The following SLC38A10 variants were observed in gnomAD, a reference collection of about 807,000 sequenced individuals.
SLC38A10 encodes Sodium-coupled neutral amino acid transporter 10.
SLC38A10 carries 53 observed loss-of-function variants against 81.0 expected under a neutral mutation model. The ratio of observed to expected loss-of-function variants is 0.65; its 90% CI spans 0.53 to 0.82. The LOEUF is 0.82. Among genes scored for constraint, SLC38A10 ranks in the 40% least tolerant of loss-of-function variants. The pLI is 0.00. For synonymous variants in SLC38A10, 665 were observed against 655.3 expected (o/e 1.01, Z -0.23); for missense variants, 1,471 against 1,545.0 (o/e 0.95, Z 0.80).
In SLC38A10 at chr17:81,270,738, C is replaced by T. The variant is rs1254860671; in HGVS notation, c.1131+180G>A. On this transcript the variant is annotated intron_variant, in intron 10 of 15. Transcript: ENST00000374759. The surrounding 1 kb of genome is among the most constrained non-coding windows in gnomAD (Gnocchi z 4.0). The stretch of plus-strand genomic sequence containing the variant: ...TAGTGTGGCCCTGCTGGGCAAAGAC[C>T]GTGCGTCCTGGTGAACCCAGGGTTC... Among the ~76,000 whole-genome samples, 2 of 152,164 alleles carry T rather than the reference C, an allele frequency of 1.3e-5. No individual in the cohort carries two copies. Among genetic ancestry groups the T allele is most frequent in the Admixed American group, 6.5e-5 (1 of 15,272 alleles).
chr17:81,270,613 G>A lies in SLC38A10; in HGVS notation c.1131+305C>T, dbSNP rs1330879069. On this transcript the variant is annotated intron_variant, in intron 10 of 15. Transcript: ENST00000374759. This position sits in a 1 kb window ranked among gnomAD's most constrained non-coding sequence, Gnocchi z 4.0. ...GGAGGGGACTCAGAGGTGGCAGCAG[G>A]TCCATGGGCAATCAGGCATCGCAGA... Among the ~76,000 whole-genome samples the A allele has an allele frequency of 6.6e-6, 1 of 152,154 alleles. No individual in the cohort carries two copies. The highest frequency in any genetic ancestry group is 1.5e-5 in the Non-Finnish European group (1 of 68,016).
chr17:81,268,911 G>T (rs1399532289), intron 10 of SLC38A10, among the ~76,000 whole-genome samples: 2 of 152,138 alleles, frequency 1.3e-5, no homozygotes, highest in Non-Finnish European at 2.9e-5. Flanking sequence ...GAATATAATG[G>T]ACTAGAGAAA....
At chr17:81,250,724 G>T in intron 14 of SLC38A10, 1 of 644,734 alleles carries the variant, frequency 1.6e-6, no homozygotes, top group Non-Finnish European at 1.9e-6. Flanking sequence ...ACCCTCAGAG[G>T]GCGGGTGGAC....
intron 14 of SLC38A10, chr17:81,250,136 G>A (rs758870110): frequency 1.6e-6 from 2 of 1,279,558 alleles, no homozygotes; most frequent in South Asian, 2.5e-5. Context: ...AGGCAGAATA[G>A]GAAACCGTGA....
chr17:81,248,483 G>C (rs1328901525), intron 14 of SLC38A10, among the ~76,000 whole-genome samples: 1 of 152,262 alleles, frequency 6.6e-6, no homozygotes, highest in Non-Finnish European at 1.5e-5. Context: ...GGAGCACCCG[G>C]TCTGACTCGC....
chr17:81,275,674 G>C (rs913181698), intron 8 of SLC38A10, among the ~76,000 whole-genome samples: 2 of 142,528 alleles, frequency 1.4e-5, no homozygotes, highest in Non-Finnish European at 3.0e-5. Context: ...GGAGCTTGCA[G>C]TGAGTCGAGA....
chr17:81,295,060 A>G lies in SLC38A10; in HGVS notation c.-139T>C. 7.7e-7 allele frequency: 1 copy of G among 1,299,958 alleles called. No individual in the cohort carries two copies. Among genetic ancestry groups the G allele is most frequent in the East Asian group, 3.4e-5 (1 of 29,404 alleles). The allele number at this position is 1,299,958 out of a possible 1,614,324, so 80.5% of individuals were successfully genotyped here. A position where few individuals can be genotyped will look rare whatever the true frequency, so the allele number is the denominator to read the frequency against. ...TGGGGAGGGGATGGGCAGCCTGAAC[A>G]CGGGAGCCTGAGCAGGCGCGGGCGC... On this transcript the variant is annotated 5_prime_UTR_variant, in exon 1 of 16. Coordinates refer to ENST00000374759, the MANE Select transcript of SLC38A10 (RefSeq NM_001037984.3).
intron 14 of SLC38A10, among the ~76,000 whole-genome samples, chr17:81,248,034 TGCAA>T (rs1276801249): frequency 1.5e-5 from 2 of 134,450 alleles, no homozygotes; most frequent in East Asian, 5.3e-4. Context: ...CTCAGCTCAC[TGCAA>T]GCTCCGCCTC....
rs746748268 is a variant in SLC38A10 at position 81,250,984 on chromosome 17, C to T, written c.2065+509G>A. ...ATGAACACAGCCGAGCTCCGAGGCC[C>T]GAGGGTGTGGGAGCAGTGCTCTGGG... On this transcript the variant is annotated intron_variant, in intron 14 of 15. Transcript: ENST00000374759. The T allele has an allele frequency of 3.9e-4, 522 of 1,343,202 alleles. 4 individuals carry two copies. The highest frequency in any genetic ancestry group is 1.9e-4 in the Non-Finnish European group (197 of 1,050,942). The allele number at this position is 1,343,202 out of a possible 1,614,324, so 83.2% of individuals were successfully genotyped here.
rs772917747 is a variant in SLC38A10, at chr17:81,246,944, T to G, written c.2183A>C (p.Glu728Ala). ...QQEKLLAVIE[E>A]QHKEIHQQRQ... Reference sequence around the variant, plus strand: ...CTGCTGGTGGATCTCCTTGTGCTGCTCCTCGATCACCGCCAGCAGCTTCTC... The same window carrying G: ...CTGCTGGTGGATCTCCTTGTGCTGCGCCTCGATCACCGCCAGCAGCTTCTC... The change falls in exon 15 of 16, where the codon GAG (glutamate) becomes GCG (alanine). Residue 728 changes from glutamate to alanine, a missense_variant. Around this residue, in one of 2 missense-constraint regions of SLC38A10, gnomAD observed 751 missense variants for 717.4 expected, o/e 1.05. Transcript: ENST00000374759. The G allele has an allele frequency of 3.1e-6, 5 of 1,607,844 alleles. No homozygotes were observed. The highest frequency in any genetic ancestry group is 4.2e-6 in the Non-Finnish European group (5 of 1,179,608).
chr17:81,251,549 C>A lies in SLC38A10; in HGVS notation c.2009G>T (p.Arg670Leu), dbSNP rs187258677. The change falls in exon 14 of 16, where the codon CGC (arginine) becomes CTC (leucine). Residue 670 changes from arginine (R) to leucine (L), a missense_variant. Physicochemically the swap from Arg to Leu is moderately radical, Grantham distance 102. Transcript: ENST00000374759. ...APGPGLPPEP[R>L]EQRDVERAGG... ...CGCTCGCTCCACGTCCCTCTGCTCG[C>A]GAGGCTCGGGCGGCAGCCCAGGCCC... The A allele has an allele frequency of 1.7e-5, 26 of 1,526,170 alleles. No individual in the cohort carries two copies. The highest frequency in any genetic ancestry group is 2.1e-5 in the Non-Finnish European group (24 of 1,141,112). 94.5% of individuals were successfully genotyped at this position (1,526,170 alleles called of 1,614,324 possible).
intron 2 of SLC38A10, 87 bp from the exon 3 acceptor site, chr17:81,284,982 AT>A: frequency 7.9e-7 from 1 of 1,264,658 alleles, no homozygotes; most frequent in Non-Finnish European, 1.1e-6. Flanking sequence ...GTCAAGGGCG[AT>A]TTCACAGAAA....
intron 10 of SLC38A10, among the ~76,000 whole-genome samples, chr17:81,267,211 A>G (rs2063077827): frequency 6.6e-6 from 1 of 152,254 alleles, no homozygotes; most frequent in Admixed American, 6.5e-5. Flanking sequence ...GGATTATTCA[A>G]TAAATCATGT....
chr17:81,253,788 TACC>T lies in SLC38A10; in HGVS notation c.1289-551_1289-549del, dbSNP rs140351586. On this transcript the variant is annotated intron_variant, in intron 11 of 15. Coordinates refer to ENST00000374759, the MANE Select transcript of SLC38A10 (RefSeq NM_001037984.3). This position sits in a 1 kb window ranked among gnomAD's most constrained non-coding sequence, Gnocchi z 4.1. ...TCACCATCATCACCATCTCCATCCCTACCACCATCACCATCATCATCACCGTCA... is the reference window on the plus strand; with the variant it reads ...TCACCATCATCACCATCTCCATCCCTACCATCACCATCATCATCACCGTCA... 0.01 allele frequency among the ~76,000 whole-genome samples: 432 copies of T among 42,504 alleles called. 4 individuals carry two copies. Among genetic ancestry groups the T allele is most frequent in the Non-Finnish European group, 0.017 (368 of 22,184 alleles). 27.9% of individuals were successfully genotyped at this position (42,504 alleles called of 152,430 possible).
Position 81,277,138 on chromosome 17 carries a change from A to G in SLC38A10, c.627-5T>C. On this transcript the variant is annotated splice_region_variant and splice_polypyrimidine_tract_variant and intron_variant, in intron 6 of 15. Transcript: ENST00000374759. The surrounding 1 kb of genome is among the most constrained non-coding windows in gnomAD (Gnocchi z 4.5). Reference sequence around the variant, plus strand: ...TCGTAGGTGGGCAGCACCTGGCTGTATAGAAACAGGCCATTTCACAGCGGA... The same window carrying G: ...TCGTAGGTGGGCAGCACCTGGCTGTGTAGAAACAGGCCATTTCACAGCGGA... 1.2e-6 allele frequency: 2 copies of G among 1,613,612 alleles called. No homozygotes were observed. Among genetic ancestry groups the G allele is most frequent in the Non-Finnish European group, 1.7e-6 (2 of 1,179,766 alleles).
rs918538715 is a variant in SLC38A10 at position 81,289,360 on chromosome 17, A to G, written c.217+331T>C. 1.3e-5 allele frequency among the ~76,000 whole-genome samples: 2 copies of G among 148,170 alleles called. No homozygotes were observed. The highest frequency in any genetic ancestry group is 1.5e-5 in the Non-Finnish European group (1 of 66,994). On this transcript the variant is annotated intron_variant, in intron 2 of 15. Transcript: ENST00000374759. This position sits in a 1 kb window ranked among gnomAD's most constrained non-coding sequence, Gnocchi z 5.9. ...CCCGGCAGGTTTTTTTTTTAACTGCATTTTTTTTTAATTTGATTTTTAATT... is the reference window on the plus strand; with the variant it reads ...CCCGGCAGGTTTTTTTTTTAACTGCGTTTTTTTTTAATTTGATTTTTAATT...
intron 10 of SLC38A10, among the ~76,000 whole-genome samples, chr17:81,261,718 C>T (rs1345356391): frequency 2.0e-5 from 3 of 152,280 alleles, no homozygotes; most frequent in Non-Finnish European, 4.4e-5. Flanking sequence ...GCTGCTGAGG[C>T]TCTGGGGTCA....
chr17:81,292,476 A>C (rs1371217059), intron 1 of SLC38A10, among the ~76,000 whole-genome samples: 1 of 151,882 alleles, frequency 6.6e-6, no homozygotes, highest in East Asian at 1.9e-4. Context: ...AAAAACACTA[A>C]TCCAAAGTTT....
rs1468432670 is a variant in SLC38A10 at position 81,245,287 on chromosome 17, G to A, written c.*269C>T. On this transcript the variant is annotated 3_prime_UTR_variant, in exon 16 of 16. Coordinates refer to ENST00000374759, the MANE Select transcript of SLC38A10 (RefSeq NM_001037984.3). ...CACCAGCCAGCTCGCAGCGGAGGCCGTTTCTCCTCACAGGCTGGAGTGAGC... is the reference window on the plus strand; with the variant it reads ...CACCAGCCAGCTCGCAGCGGAGGCCATTTCTCCTCACAGGCTGGAGTGAGC... 7.3e-6 allele frequency: 3 copies of A among 410,380 alleles called. No individual in the cohort carries two copies. The highest frequency in any genetic ancestry group is 8.3e-5 in the Admixed American group (2 of 24,096). The allele number at this position is 410,380 out of a possible 1,614,324, so 25.4% of individuals were successfully genotyped here.
Sources: gnomAD v4.1 joint callset for allele counts (sites outside exome capture counted in the v4.1 genomes callset) on GRCh38, gnomAD v4.1.1 for gene constraint, gnomAD v4.1.1 regional missense constraint, Gnocchi (gnomAD v3.1) non-coding constraint, MANE v1.5 for transcripts, NCBI Gene and HGNC (gene_info 2026-07-23, HGNC 2026-07-21) for gene names.